Variants in TMEM272 observed in about 807,000 individuals in gnomAD.
TMEM272 encodes long intergenic non-protein coding RNA 282.
In TMEM272, 8 loss-of-function variants were observed where a neutral mutation model predicts 3.7. The observed-to-expected ratio is 2.17, with a 90% CI of 1.27 to 3.91. The LOEUF (loss-of-function observed/expected upper bound fraction) is 3.91. TMEM272 is among the 30% of genes most tolerant of loss of function. The pLI, the probability that TMEM272 is intolerant of heterozygous loss-of-function variation, is 0.00. For missense variants in TMEM272, 166 were observed against 91.5 expected (o/e 1.81, Z -3.32); for synonymous variants, 63 against 39.8 (o/e 1.58, Z -2.20).
the TMEM272 span, among the ~76,000 whole-genome samples, chr13:51,871,723 T>C: frequency 6.6e-6 from 1 of 151,978 alleles, no homozygotes; most frequent in African/African-American, 2.4e-5. Flanking sequence ...TAAATGTTTA[T>C]TTTTGTAAGC....
the TMEM272 span, among the ~76,000 whole-genome samples, chr13:51,900,712 AG>A: frequency 6.6e-6 from 1 of 152,238 alleles, no homozygotes; most frequent in African/African-American, 2.4e-5. Context: ...AAACAACCCA[AG>A]TATCCATCAA....
At chr13:51,860,741 A>G in the TMEM272 span, among the ~76,000 whole-genome samples, 6,526 of 16,102 alleles carry the variant, frequency 0.41, 478 homozygotes, top group African/African-American at 0.51. Flanking sequence ...GTGTGTGTGT[A>G]TATATATATA....
At chr13:51,912,962 C>A in the TMEM272 span, among the ~76,000 whole-genome samples, 1 of 152,212 alleles carries the variant, frequency 6.6e-6, no homozygotes, top group Non-Finnish European at 1.5e-5. Flanking sequence ...GCCTGCCATT[C>A]AGGACTAACA....
At chr13:51,891,687 G>C in the TMEM272 span, among the ~76,000 whole-genome samples, 1 of 152,148 alleles carries the variant, frequency 6.6e-6, no homozygotes, top group Non-Finnish European at 1.5e-5. Context: ...GCAGGGGTGG[G>C]TTGCAGGAGA....
chr13:51,847,163 C>T (rs9535771), upstream of TMEM272, among the ~76,000 whole-genome samples: 61,729 of 152,056 alleles, frequency 0.41, 13,434 homozygotes, highest in Admixed American at 0.49. Flanking sequence ...CAACTGCCTA[C>T]ATTATTCAAT....
the TMEM272 span, among the ~76,000 whole-genome samples, chr13:51,874,916 A>G: frequency 6.6e-6 from 1 of 152,186 alleles, no homozygotes; most frequent in Admixed American, 6.5e-5. Flanking sequence ...TGACAGCCTG[A>G]CTGGGGTTGG....
At chr13:51,821,388 C>T (rs1480613424) in intron 4 of TMEM272, among the ~76,000 whole-genome samples, 1 of 152,118 alleles carries the variant, frequency 6.6e-6, no homozygotes, top group Non-Finnish European at 1.5e-5. Context: ...GCAGGCTATG[C>T]ACGCCCCTGA....
At chr13:51,881,449 T>C in the TMEM272 span, among the ~76,000 whole-genome samples, 1 of 134,162 alleles carries the variant, frequency 7.5e-6, no homozygotes, top group African/African-American at 2.7e-5. Context: ...ACCTATCTGA[T>C]GGAAAATAGA....
the TMEM272 span, among the ~76,000 whole-genome samples, chr13:51,923,902 C>A: frequency 7.6e-3 from 1,159 of 152,348 alleles, 13 homozygotes; most frequent in African/African-American, 0.027. Flanking sequence ...CACCCACAGG[C>A]AGCAGTTTGG....
chr13:51,926,562 G>A, the TMEM272 span, among the ~76,000 whole-genome samples: 1 of 142,536 alleles, frequency 7.0e-6, no homozygotes, highest in Non-Finnish European at 1.5e-5. Flanking sequence ...AGGAAGAAGG[G>A]AAGAGCCCGT....
At chr13:51,870,134 A>C in the TMEM272 span, among the ~76,000 whole-genome samples, 1 of 152,190 alleles carries the variant, frequency 6.6e-6, no homozygotes, top group African/African-American at 2.4e-5. Context: ...GAAGTCACTT[A>C]CATCAGGCCT....
the TMEM272 span, among the ~76,000 whole-genome samples, chr13:51,931,821 G>A: frequency 6.6e-6 from 1 of 152,000 alleles, no homozygotes. Context: ...GGCGGGGCTG[G>A]CCATCTAGCT....
At chr13:51,840,963 T>C (rs146812324) in intron 1 of TMEM272, among the ~76,000 whole-genome samples, 6 of 152,344 alleles carry the variant, frequency 3.9e-5, no homozygotes, top group African/African-American at 1.4e-4. Context: ...CATCCGTTTG[T>C]TACATAACAA....
chr13:51,908,667 A>T, the TMEM272 span: 5 of 1,479,594 alleles, frequency 3.4e-6, no homozygotes, highest in Non-Finnish European at 4.7e-6. Flanking sequence ...TTCTGAAGGC[A>T]TTGACCCATC....
intron 2 of TMEM272, among the ~76,000 whole-genome samples, chr13:51,835,284 G>A (rs555233023): frequency 3.1e-4 from 47 of 151,366 alleles, no homozygotes; most frequent in Middle Eastern, 3.4e-3. Flanking sequence ...GTGTGCAGTG[G>A]TGCAATCTCG....
chr13:51,860,776 A>G, the TMEM272 span, among the ~76,000 whole-genome samples: 5 of 149,610 alleles, frequency 3.3e-5, no homozygotes, highest in Admixed American at 1.3e-4. Flanking sequence ...CTTTGTATAC[A>G]TATACTTTTA....
the TMEM272 span, chr13:51,909,696 G>A: frequency 6.4e-7 from 1 of 1,553,882 alleles, no homozygotes; most frequent in Non-Finnish European, 8.9e-7. Context: ...AGCTCCTTTT[G>A]GAGGATTATC....
chr13:51,900,300 G>A, the TMEM272 span, among the ~76,000 whole-genome samples: 1 of 152,060 alleles, frequency 6.6e-6, no homozygotes, highest in African/African-American at 2.4e-5. Context: ...ACAAAAAAAG[G>A]ACAACCCAAT....
the TMEM272 span, among the ~76,000 whole-genome samples, chr13:51,896,142 C>A: frequency 1.3e-5 from 2 of 152,244 alleles, no homozygotes; most frequent in Non-Finnish European, 2.9e-5. Flanking sequence ...AAGTCCAACA[C>A]TCCACATCCC....
Sources: gnomAD v4.1 joint callset for allele counts (sites outside exome capture counted in the v4.1 genomes callset) on GRCh38, gnomAD v4.1.1 for gene constraint, MANE v1.5 for transcripts, NCBI Gene and HGNC (gene_info 2026-07-23, HGNC 2026-07-21) for gene names.